Variants in NLRP2 observed in about 807,000 individuals in gnomAD.
The protein encoded by NLRP2 is NACHT, LRR and PYD domains-containing protein 2.
NLRP2 carries 107 observed loss-of-function variants against 97.2 expected under a neutral mutation model. The observed-to-expected ratio is 1.10, with a 90% CI of 0.94 to 1.29. The LOEUF is 1.29. NLRP2 is among the 50% of genes most tolerant of loss of function. The pLI is 0.00. For missense variants in NLRP2, 1,495 were observed against 1,330.3 expected, an observed-to-expected ratio of 1.12 and a Z score of -1.93; for synonymous variants, 663 against 551.5, an observed-to-expected ratio of 1.20 and a Z score of -2.83.
chr19:54,986,768 G>A (rs2072119701), intron 8 of NLRP2, among the ~76,000 whole-genome samples: 1 of 152,092 alleles, frequency 6.6e-6, no homozygotes, highest in African/African-American at 2.4e-5. Context: ...GGCTGGTCTC[G>A]AACTCATGAC....
intron 10 of NLRP2, chr19:54,994,019 C>G (rs1432126593): frequency 3.4e-6 from 2 of 583,748 alleles, no homozygotes; most frequent in Non-Finnish European, 6.1e-6. Context: ...CCAAATAAAC[C>G]AGGATATAAA....
rs148835855 is a variant in NLRP2, at chr19:54,978,872, C to T, written c.397+1049C>T. On this transcript the variant is annotated intron_variant, in intron 4 of 12. Transcript: ENST00000448584. Reference sequence around the variant, plus strand: ...AAAAAAAAAAAAAAAAATTGACAGGCATAAATGTATTTATGGTACATTGCT... The same window carrying T: ...AAAAAAAAAAAAAAAAATTGACAGGTATAAATGTATTTATGGTACATTGCT... Among the ~76,000 whole-genome samples, 1,030 of 151,202 alleles carry T rather than the reference C, an allele frequency of 6.8e-3. 11 individuals are homozygous for T. The highest frequency in any genetic ancestry group is 0.024 in the Admixed American group (364 of 15,120).
Position 54,993,727 on chromosome 19 carries a change from TACAC to T in NLRP2, c.2709-533_2709-530del, listed in dbSNP as rs150769161. 30 of 95,834 alleles carry T rather than the reference TACAC, an allele frequency of 3.1e-4. 2 individuals carry two copies. In the South Asian group the frequency reaches 3.9e-3, roughly 12 times the overall value. 5.9% of individuals were successfully genotyped at this position (95,834 alleles called of 1,614,324 possible). A position where few individuals can be genotyped will look rare whatever the true frequency, so the allele number is the denominator to read the frequency against. On this transcript the variant is annotated intron_variant, in intron 10 of 12. Coordinates refer to ENST00000448584, the MANE Select transcript of NLRP2 (RefSeq NM_017852.5). ...GGGTGTGGTGGCACGCGCATGTGTG[TACAC>T]ACACACACCCCCCTGTAATCCCAGC...
At position 54,983,034 on chromosome 19, in the gene NLRP2, G is replaced by C. The variant is rs771265449; in HGVS notation, c.1336G>C (p.Ala446Pro). Residue 446 changes from alanine to proline, a missense_variant, in exon 6 of 13, where the codon GCG (alanine) becomes CCG (proline). By Grantham distance (27) the Ala-to-Pro change is conservative. Coordinates refer to ENST00000448584, the MANE Select transcript of NLRP2 (RefSeq NM_017852.5). ...RFPQGAQLRG[A>P]LRTLSLLAAQ... The stretch of plus-strand genomic sequence containing the variant: ...CCCGCAGGGCGCACAGCTGCGGGGC[G>C]CGCTGCGGACGCTGAGCCTCCTGGC... 6.2e-7 allele frequency: 1 copy of C among 1,610,954 alleles called. No individual in the cohort carries two copies. Among genetic ancestry groups the C allele is most frequent in the South Asian group, 1.1e-5 (1 of 90,910 alleles).
At chr19:54,998,586 CTTTT>C (rs994099249) in intron 12 of NLRP2, among the ~76,000 whole-genome samples, 1 of 41,854 alleles carries the variant, frequency 2.4e-5, no homozygotes, top group Non-Finnish European at 5.5e-5. Flanking sequence ...CAGTTTTACT[CTTTT>C]TTTTGGGGTG....
At chr19:54,985,997 A>C (rs1261736911) in intron 7 of NLRP2, among the ~76,000 whole-genome samples, 154 bp from the exon 8 acceptor site, 1 of 151,964 alleles carries the variant, frequency 6.6e-6, no homozygotes, top group African/African-American at 2.4e-5. Flanking sequence ...GTGAGACTCC[A>C]TCTCAAAGAA....
chr19:54,990,384 A>G, intron 9 of NLRP2, 118 bp from the exon 10 acceptor site: 1 of 1,154,912 alleles, frequency 8.7e-7, no homozygotes, highest in African/African-American at 1.5e-5. Flanking sequence ...TCACCAGTGC[A>G]TGATAGAAGG....
At chr19:54,994,243 GCTTT>G (rs2072669451) in intron 10 of NLRP2, 22 bp from the exon 11 acceptor site, 1 of 1,613,536 alleles carries the variant, frequency 6.2e-7, no homozygotes, top group African/African-American at 1.3e-5. Flanking sequence ...GTTCGGGTTT[GCTTT>G]CTTCCTGTGG....
intron 4 of NLRP2, among the ~76,000 whole-genome samples, chr19:54,981,242 C>T (rs62124643): frequency 0.053 from 8,031 of 152,130 alleles, 279 homozygotes; most frequent in South Asian, 0.1. Context: ...CGATCTCTTA[C>T]TACAACCTCC....
At chr19:54,980,973 C>T (rs564790605) in intron 4 of NLRP2, among the ~76,000 whole-genome samples, 14 of 152,208 alleles carry the variant, frequency 9.2e-5, no homozygotes, top group Non-Finnish European at 1.3e-4. Flanking sequence ...AGCCTAGACG[C>T]AGTGGCACAT....
In NLRP2 at chr19:54,985,333, G is replaced by A. The variant is rs1265738861; in HGVS notation, c.2201+116G>A. The stretch of plus-strand genomic sequence containing the variant: ...GACTCTTAAGTGCTCGAGACACAGG[G>A]AATTGAGAGAGTCCTGTCCTTAAAT... On this transcript the variant is annotated intron_variant, in intron 7 of 12. Transcript: ENST00000448584. 1.0e-5 allele frequency: 10 copies of A among 952,614 alleles called. No individual in the cohort carries two copies. In the East Asian group the frequency reaches 2.0e-4, roughly 19 times the overall value. 59.0% of individuals were successfully genotyped at this position (952,614 alleles called of 1,614,324 possible). A position where few individuals can be genotyped will look rare whatever the true frequency, so the allele number is the denominator to read the frequency against.
upstream of NLRP2, chr19:54,965,341 C>T (rs959839857): frequency 9.6e-6 from 1 of 104,228 alleles, no homozygotes; most frequent in Non-Finnish European, 2.0e-5. Context: ...ACCTGCAGCC[C>T]TCATCTCCGC....
intron 1 of NLRP2, among the ~76,000 whole-genome samples, 180 bp from the exon 2 acceptor site, chr19:54,969,819 A>C (rs570155735): frequency 1.3e-5 from 2 of 152,056 alleles, no homozygotes; most frequent in Non-Finnish European, 2.9e-5. Context: ...ACCACCACCC[A>C]CTGCTAACTT....
At chr19:54,975,455 ATT>A (rs34340544) in intron 3 of NLRP2, among the ~76,000 whole-genome samples, 5,976 of 132,394 alleles carry the variant, frequency 0.045, 885 homozygotes, top group African/African-American at 0.17. Flanking sequence ...GATTATTATT[ATT>A]TTTTTTTTTT....
At chr19:54,991,437 C>G (rs572955471) in intron 10 of NLRP2, 1 of 152,232 alleles carries the variant, frequency 6.6e-6, no homozygotes, top group African/African-American at 2.4e-5. Context: ...CCTGTAATCC[C>G]AGTTACTCAG....
chr19:54,972,050 G>T (rs1287678118), intron 2 of NLRP2, among the ~76,000 whole-genome samples: 1 of 143,008 alleles, frequency 7.0e-6, no homozygotes, highest in African/African-American at 2.6e-5. Flanking sequence ...CACCATGTTA[G>T]CCAGGATAGT....
intron 12 of NLRP2, among the ~76,000 whole-genome samples, chr19:54,999,055 G>A (rs926604006): frequency 4.0e-5 from 6 of 148,162 alleles, no homozygotes; most frequent in East Asian, 3.9e-4. Context: ...GCGGCTGGCC[G>A]GTTAGAGGGG....
intron 9 of NLRP2, 83 bp downstream of exon 9, chr19:54,990,275 A>G: frequency 7.0e-7 from 1 of 1,421,566 alleles, no homozygotes; most frequent in Non-Finnish European, 9.9e-7. Flanking sequence ...ACTTGGCTGT[A>G]TGGAACCTCT....
chr19:54,978,050 C>G (rs989082542), intron 4 of NLRP2, among the ~76,000 whole-genome samples: 2 of 151,960 alleles, frequency 1.3e-5, no homozygotes, highest in Non-Finnish European at 2.9e-5. Flanking sequence ...AGGAGCACAG[C>G]GCAGAGAGTT....
Sources: gnomAD v4.1 joint callset for allele counts (sites outside exome capture counted in the v4.1 genomes callset) on GRCh38, gnomAD v4.1.1 for gene constraint, MANE v1.5 for transcripts, NCBI Gene and HGNC (gene_info 2026-07-23, HGNC 2026-07-21) for gene names.